The following SHCBP1L variants were observed in gnomAD, a reference collection of about 807,000 sequenced individuals.
SHCBP1L encodes testicular spindle-associated protein SHCBP1L.
Under a neutral mutation model 62.5 loss-of-function variants are expected in SHCBP1L, and 67 were observed. The observed-to-expected ratio is 1.07, with a 90% CI of 0.88 to 1.31. The LOEUF is 1.31. Ranked by LOEUF, SHCBP1L falls within the 40% of genes most tolerant of loss-of-function variation. The pLI, the probability that SHCBP1L is intolerant of heterozygous loss-of-function variation, is 0.00. For synonymous variants in SHCBP1L, 284 were observed against 289.4 expected (o/e 0.98, Z 0.19); for missense variants, 823 against 809.8 (o/e 1.02, Z -0.20).
chr1:182,923,683 A>G (rs1274669562), intron 6 of SHCBP1L, among the ~76,000 whole-genome samples: 1 of 152,206 alleles, frequency 6.6e-6, no homozygotes, highest in African/African-American at 2.4e-5. Context: ...CTATAAATTC[A>G]ACATCTATTC....
chr1:182,906,642 G>A (rs570089130), intron 6 of SHCBP1L, among the ~76,000 whole-genome samples: 5 of 151,686 alleles, frequency 3.3e-5, no homozygotes, highest in Admixed American at 6.6e-5. Flanking sequence ...ATGTTAGCCA[G>A]GTTGGTCTCG....
intron 6 of SHCBP1L, among the ~76,000 whole-genome samples, chr1:182,908,412 C>T (rs112267077): frequency 1.3e-3 from 194 of 152,222 alleles, no homozygotes; most frequent in African/African-American, 4.5e-3. Flanking sequence ...GGATAATGGC[C>T]TTCAGGTGCA....
chr1:182,910,969 A>T (rs1650165566), intron 6 of SHCBP1L, among the ~76,000 whole-genome samples: 1 of 151,982 alleles, frequency 6.6e-6, no homozygotes, highest in Non-Finnish European at 1.5e-5. Context: ...GGCTCACTGC[A>T]GCCTCTTCCT....
At chr1:182,910,482 T>A (rs1008004090) in intron 6 of SHCBP1L, among the ~76,000 whole-genome samples, 3 of 145,714 alleles carry the variant, frequency 2.1e-5, no homozygotes, top group African/African-American at 8.5e-5. Flanking sequence ...AAAGATGATA[T>A]TTTTTTTCAC....
At chr1:182,931,711 A>G (rs1433615625) in intron 5 of SHCBP1L, among the ~76,000 whole-genome samples, 1 of 152,124 alleles carries the variant, frequency 6.6e-6, no homozygotes, top group Admixed American at 6.5e-5. Flanking sequence ...CCCACTATCA[A>G]TATCTGGCAC....
At chr1:182,937,283 A>G (rs956577310) in intron 5 of SHCBP1L, among the ~76,000 whole-genome samples, 1 of 151,916 alleles carries the variant, frequency 6.6e-6, no homozygotes, top group African/African-American at 2.4e-5. Flanking sequence ...CTCACATTTG[A>G]AGAATAATTT....
intron 6 of SHCBP1L, among the ~76,000 whole-genome samples, chr1:182,924,485 G>A (rs1037595706): frequency 5.3e-5 from 8 of 151,366 alleles, no homozygotes; most frequent in Non-Finnish European, 1.2e-4. Flanking sequence ...TTTTAGTAGA[G>A]ACGGGTTTCA....
chr1:182,901,033 T>C (rs1312371939), intron 9 of SHCBP1L, among the ~76,000 whole-genome samples: 2 of 152,182 alleles, frequency 1.3e-5, no homozygotes, highest in Admixed American at 6.5e-5. Context: ...TCAAATAATA[T>C]GTGATTTGGA....
intron 7 of SHCBP1L, among the ~76,000 whole-genome samples, chr1:182,904,962 C>G (rs1291046763): frequency 1.3e-5 from 2 of 152,016 alleles, no homozygotes; most frequent in African/African-American, 4.8e-5. Flanking sequence ...GCCCAGACTG[C>G]TCTCAAACTC....
intron 5 of SHCBP1L, among the ~76,000 whole-genome samples, chr1:182,935,259 C>G (rs1651130278): frequency 6.6e-6 from 1 of 152,188 alleles, no homozygotes; most frequent in East Asian, 1.9e-4. Flanking sequence ...ATCTACAGAT[C>G]AAGTTGGGAA....
At chr1:182,930,598 CAT>C (rs1650949601) in intron 5 of SHCBP1L, among the ~76,000 whole-genome samples, 2 of 63,912 alleles carry the variant, frequency 3.1e-5, no homozygotes, top group African/African-American at 1.0e-4. Context: ...TATATATACA[CAT>C]ATATACATAT....
chr1:182,938,944 T>C (rs1352840512), intron 5 of SHCBP1L, among the ~76,000 whole-genome samples: 1 of 152,126 alleles, frequency 6.6e-6, no homozygotes, highest in East Asian at 1.9e-4. Flanking sequence ...AAATGAAAGA[T>C]AAGGAAAGAA....
chr1:182,922,416 T>C (rs569768186), intron 6 of SHCBP1L, among the ~76,000 whole-genome samples: 1 of 151,922 alleles, frequency 6.6e-6, no homozygotes, highest in African/African-American at 2.4e-5. Context: ...TAGCCAGGCA[T>C]GGTGGTGCAT....
intron 6 of SHCBP1L, among the ~76,000 whole-genome samples, chr1:182,927,711 T>A (rs370448665): frequency 4.0e-5 from 6 of 149,098 alleles, no homozygotes; most frequent in African/African-American, 1.2e-4. Context: ...ACAGCTATAC[T>A]ACTATCAAGC....
chr1:182,944,045 T>C (rs1651466939), intron 2 of SHCBP1L, among the ~76,000 whole-genome samples: 1 of 151,078 alleles, frequency 6.6e-6, no homozygotes, highest in Non-Finnish European at 1.5e-5. Context: ...AGCTTGAACC[T>C]GGGAGGTGGA....
intron 6 of SHCBP1L, among the ~76,000 whole-genome samples, chr1:182,927,977 T>C (rs187499682): frequency 1.3e-5 from 2 of 152,124 alleles, no homozygotes; most frequent in African/African-American, 4.8e-5. Flanking sequence ...AATGACAAAA[T>C]AAAGCTGAGG....
intron 2 of SHCBP1L, among the ~76,000 whole-genome samples, chr1:182,943,847 C>T (rs914926601): frequency 4.6e-5 from 7 of 151,158 alleles, no homozygotes; most frequent in East Asian, 2.0e-4. Flanking sequence ...AGGCTGGGTG[C>T]GGTGGCTCAC....
At chr1:182,923,025 T>G (rs1452343197) in intron 6 of SHCBP1L, among the ~76,000 whole-genome samples, 1 of 151,926 alleles carries the variant, frequency 6.6e-6, no homozygotes. Context: ...CAAATAAACA[T>G]AACCAGAAAC....
At chr1:182,924,740 G>GAAAGAA (rs1650639605) in intron 6 of SHCBP1L, among the ~76,000 whole-genome samples, 2 of 75,342 alleles carry the variant, frequency 2.7e-5, no homozygotes, top group African/African-American at 1.1e-4. Context: ...AAGAAAGAAA[G>GAAAGAA]AAAGAAAGAA....
Sources: gnomAD v4.1 joint callset for allele counts (sites outside exome capture counted in the v4.1 genomes callset) on GRCh38, gnomAD v4.1.1 for gene constraint, MANE v1.5 for transcripts, NCBI Gene and HGNC (gene_info 2026-07-23, HGNC 2026-07-21) for gene names.